The following TMEM117 variants were observed in gnomAD, a reference collection of about 807,000 sequenced individuals.
The protein encoded by TMEM117 is transmembrane protein 117.
In TMEM117, 27 loss-of-function variants were observed where a neutral mutation model predicts 52.4. The observed-to-expected ratio is 0.51, with a 90% CI of 0.38 to 0.71. The LOEUF (loss-of-function observed/expected upper bound fraction) is 0.71. Ranked by LOEUF, TMEM117 falls within the 30% of genes least tolerant of loss-of-function variation. The probability of loss-of-function intolerance (pLI) is 0.00; values close to 1 mark genes in which losing one functional copy is unlikely to be tolerated. For missense variants in TMEM117, 556 were observed against 630.5 expected (o/e 0.88, Z 1.26); for synonymous variants, 215 against 206.3 (o/e 1.04, Z -0.36).
chr12:43,946,181 T>G (rs1945128385), intron 3 of TMEM117, among the ~76,000 whole-genome samples: 1 of 152,166 alleles, frequency 6.6e-6, no homozygotes, highest in African/African-American at 2.4e-5. Flanking sequence ...CCTGTAATAC[T>G]AGAATGGGTA....
At chr12:44,381,175 G>C (rs1279981756) in intron 7 of TMEM117, among the ~76,000 whole-genome samples, 1 of 152,104 alleles carries the variant, frequency 6.6e-6, no homozygotes, top group Non-Finnish European at 1.5e-5. Context: ...TTCTATCCAA[G>C]AGTGTTTTAA....
the TMEM117 span, among the ~76,000 whole-genome samples, chr12:43,828,698 C>G: frequency 6.6e-6 from 1 of 152,162 alleles, no homozygotes; most frequent in Non-Finnish European, 1.5e-5. Flanking sequence ...ATCCCCTTAC[C>G]GATAAAATGG....
intron 3 of TMEM117, among the ~76,000 whole-genome samples, chr12:43,975,466 A>G (rs1945657039): frequency 6.6e-6 from 1 of 152,132 alleles, no homozygotes; most frequent in Non-Finnish European, 1.5e-5. Flanking sequence ...TTTAATGCTC[A>G]TGACAGTTTA....
At chr12:43,980,319 A>C (rs1421016981) in intron 3 of TMEM117, among the ~76,000 whole-genome samples, 3 of 152,164 alleles carry the variant, frequency 2.0e-5, no homozygotes, top group Non-Finnish European at 4.4e-5. Context: ...TAGAGTTGTT[A>C]CTGGGACCCT....
In TMEM117 at chr12:44,271,085, G is replaced by T. The variant is rs1565657724; in HGVS notation, c.609-28495G>T. Among the ~76,000 whole-genome samples, 5 of 151,952 alleles carry T rather than the reference G, an allele frequency of 3.3e-5. No individual in the cohort carries two copies. In the South Asian group the frequency reaches 8.3e-4, roughly 25 times the overall value. ...TTTGGTTAGCTAGTATTTTGTTGAG[G>T]ATTTGTGCATCTATGTTCATCAGGG... On this transcript the variant is annotated intron_variant, in intron 5 of 7. Transcript: ENST00000266534.
At chr12:43,847,356 A>T (rs1943227545) in intron 2 of TMEM117, among the ~76,000 whole-genome samples, 1 of 152,042 alleles carries the variant, frequency 6.6e-6, no homozygotes, top group African/African-American at 2.4e-5. Context: ...TAGAAACAGG[A>T]AGGTGAATAT....
chr12:44,066,940 G>T (rs1234272561), intron 3 of TMEM117, among the ~76,000 whole-genome samples: 1 of 152,206 alleles, frequency 6.6e-6, no homozygotes, highest in African/African-American at 2.4e-5. Context: ...ACTGGAGTCA[G>T]TTCTCTCAAA....
At chr12:44,152,874 C>A (rs568419865) in intron 4 of TMEM117, among the ~76,000 whole-genome samples, 18 of 143,540 alleles carry the variant, frequency 1.3e-4, no homozygotes, top group East Asian at 2.0e-4. Flanking sequence ...ATTTATGGAA[C>A]CATTTTGACC....
chr12:44,361,797 A>C (rs557491616), intron 6 of TMEM117, among the ~76,000 whole-genome samples: 1 of 152,138 alleles, frequency 6.6e-6, no homozygotes, highest in South Asian at 2.1e-4. Flanking sequence ...CACAAAAAAA[A>C]ATTGTGCCAT....
intron 2 of TMEM117, among the ~76,000 whole-genome samples, chr12:43,919,506 A>G (rs1056672961): frequency 1.3e-5 from 2 of 152,182 alleles, no homozygotes; most frequent in Non-Finnish European, 2.9e-5. Context: ...CATTGTGTGT[A>G]TATATTCCAC....
chr12:44,108,348 C>A lies in TMEM117; in HGVS notation c.411-35177C>A, dbSNP rs376087471. Among the ~76,000 whole-genome samples the A allele has an allele frequency of 1.6e-3, 180 of 113,166 alleles. 6 individuals are homozygous for A. In the East Asian group the frequency reaches 0.036, roughly 23 times the overall value. 74.2% of individuals were successfully genotyped at this position (113,166 alleles called of 152,430 possible). A position where few individuals can be genotyped will look rare whatever the true frequency, so the allele number is the denominator to read the frequency against. ...TTAGGTATATCTCCCAATGCTATCCCTCCCCCCTCCCCCGACCCCACCACA... is the reference window on the plus strand; with the variant it reads ...TTAGGTATATCTCCCAATGCTATCCATCCCCCCTCCCCCGACCCCACCACA... On this transcript the variant is annotated intron_variant, in intron 3 of 7. Coordinates refer to ENST00000266534, the MANE Select transcript of TMEM117 (RefSeq NM_032256.3).
At chr12:43,807,514 A>G in the TMEM117 span, among the ~76,000 whole-genome samples, 3 of 152,180 alleles carry the variant, frequency 2.0e-5, no homozygotes, top group Non-Finnish European at 4.4e-5. Context: ...ACAATGGTTC[A>G]CCCTGATTTA....
chr12:43,875,988 A>C (rs997217873), intron 2 of TMEM117, among the ~76,000 whole-genome samples: 1 of 152,010 alleles, frequency 6.6e-6, no homozygotes, highest in Non-Finnish European at 1.5e-5. Flanking sequence ...AAAATTGAAA[A>C]CCTTGTTGGG....
chr12:44,167,731 ATAAG>A (rs1948988474), intron 4 of TMEM117, among the ~76,000 whole-genome samples: 1 of 152,180 alleles, frequency 6.6e-6, no homozygotes, highest in Admixed American at 6.5e-5. Context: ...ATTTCAATAG[ATAAG>A]TAAGTTGCTT....
intron 2 of TMEM117, among the ~76,000 whole-genome samples, chr12:43,877,650 A>G (rs1279991400): frequency 1.3e-5 from 2 of 149,688 alleles, no homozygotes; most frequent in Non-Finnish European, 3.0e-5. Context: ...AAAAAAAAAA[A>G]GTGTTTTTGT....
At chr12:44,141,338 T>C (rs1189118500) in intron 3 of TMEM117, among the ~76,000 whole-genome samples, 3 of 152,090 alleles carry the variant, frequency 2.0e-5, no homozygotes, top group African/African-American at 4.8e-5. Flanking sequence ...CACTCAGGTA[T>C]TAAGCCTAGT....
chr12:44,214,576 T>C (rs897965501), intron 5 of TMEM117, among the ~76,000 whole-genome samples: 2 of 152,150 alleles, frequency 1.3e-5, no homozygotes, highest in Non-Finnish European at 2.9e-5. Flanking sequence ...GGCAAGTAGA[T>C]AATATTCTTA....
chr12:43,968,194 T>C (rs1945516665), intron 3 of TMEM117, among the ~76,000 whole-genome samples: 1 of 151,604 alleles, frequency 6.6e-6, no homozygotes, highest in African/African-American at 2.4e-5. Flanking sequence ...CTGTGAGTTT[T>C]CATAAAGAGG....
chr12:43,969,813 T>C (rs571423455), intron 3 of TMEM117, among the ~76,000 whole-genome samples: 1 of 152,226 alleles, frequency 6.6e-6, no homozygotes, highest in South Asian at 2.1e-4. Context: ...TCTCTCTCCA[T>C]CCCTTGACAC....
Sources: allele counts gnomAD v4.1 joint callset (sites outside exome capture counted in the v4.1 genomes callset), GRCh38; gene constraint gnomAD v4.1.1; transcripts MANE v1.5; gene names NCBI Gene and HGNC (gene_info 2026-07-23, HGNC 2026-07-21).